Variants in PDCD7 observed in about 807,000 individuals in gnomAD.
PDCD7 encodes programmed cell death 7.
A neutral mutation model predicts 42.1 loss-of-function variants in PDCD7; 40 were observed. The observed-to-expected ratio is 0.95, with a 90% CI of 0.74 to 1.24. The LOEUF is 1.24. PDCD7 is among the 50% of genes most tolerant of loss of function. The pLI is 0.00. For synonymous variants in PDCD7, 299 were observed against 303.3 expected, an observed-to-expected ratio of 0.99 and a Z score of 0.15; for missense variants, 644 against 662.8, an observed-to-expected ratio of 0.97 and a Z score of 0.31.
intron 2 of PDCD7, among the ~76,000 whole-genome samples, chr15:65,121,143 C>A (rs1412119448): frequency 6.6e-6 from 1 of 151,080 alleles, no homozygotes; most frequent in East Asian, 2.0e-4. Context: ...GCAAACTCCA[C>A]GCATCCCGGG....
intron 1 of PDCD7, among the ~76,000 whole-genome samples, 175 bp downstream of exon 1, chr15:65,132,737 C>T (rs958310214): frequency 6.6e-6 from 1 of 152,112 alleles, no homozygotes; most frequent in Non-Finnish European, 1.5e-5. Context: ...CTTTTGTGTA[C>T]CACACATCAT....
Position 65,133,675 on chromosome 15 carries a change from G to A in PDCD7, c.107C>T (p.Ala36Val). ...CCGCTGGGGGAGAGGCGGCGGGAAAGCCGGGGAGGGCAGCGGCGGTGGCGG... is the reference window on the plus strand; with the variant it reads ...CCGCTGGGGGAGAGGCGGCGGGAAAACCGGGGAGGGCAGCGGCGGTGGCGG... ...GCPPPPLPSP[A>V]FPPPLPQRPG... is the part of the protein sequence containing the mutation. The change falls in exon 1 of 5, where the codon GCT becomes GTT. Residue 36 changes from alanine (A) to valine (V), a missense_variant. By Grantham distance (64) the Ala-to-Val change is moderately conservative. Transcript: ENST00000204549. 7.9e-7 allele frequency: 1 copy of A among 1,269,050 alleles called. No homozygotes were observed. The highest frequency in any genetic ancestry group is 1.0e-6 in the Non-Finnish European group (1 of 1,001,558). The allele number at this position is 1,269,050 out of a possible 1,614,324, so 78.6% of individuals were successfully genotyped here.
At chr15:65,124,882 G>A (rs1211461433) in intron 2 of PDCD7, among the ~76,000 whole-genome samples, 4 of 152,106 alleles carry the variant, frequency 2.6e-5, no homozygotes, top group African/African-American at 4.8e-5. Flanking sequence ...AGTACTACTG[G>A]AAGAGGTCAT....
At chr15:65,119,274 T>TAAA in intron 4 of PDCD7, 102 bp downstream of exon 4, 2 of 574,104 alleles carry the variant, frequency 3.5e-6, no homozygotes, top group Non-Finnish European at 5.9e-6. Flanking sequence ...TTATGGAACT[T>TAAA]AAAAAAAAAA....
chr15:65,125,705 G>A (rs1206559556), intron 2 of PDCD7, among the ~76,000 whole-genome samples: 1 of 152,182 alleles, frequency 6.6e-6, no homozygotes, highest in Non-Finnish European at 1.5e-5. Context: ...GACACCCCAT[G>A]GGTAGGTACT....
chr15:65,127,106 A>G (rs1458221292), intron 2 of PDCD7, among the ~76,000 whole-genome samples: 1 of 152,038 alleles, frequency 6.6e-6, no homozygotes, highest in Non-Finnish European at 1.5e-5. Flanking sequence ...TCTCTCCTGG[A>G]TGCTCCAAAA....
intron 2 of PDCD7, among the ~76,000 whole-genome samples, chr15:65,120,193 G>A (rs555036406): frequency 6.6e-6 from 1 of 151,664 alleles, no homozygotes; most frequent in Non-Finnish European, 1.5e-5. Context: ...TCACTCTGTT[G>A]TGCAGGCTGG....
intron 2 of PDCD7, among the ~76,000 whole-genome samples, chr15:65,121,541 A>G (rs1234051356): frequency 3.9e-5 from 6 of 152,234 alleles, no homozygotes; most frequent in Non-Finnish European, 7.3e-5. Context: ...GGTGAGGAAG[A>G]TACACTTAAA....
chr15:65,129,227 A>T, intron 1 of PDCD7, 57 bp from the exon 2 acceptor site: 1 of 1,577,608 alleles, frequency 6.3e-7, no homozygotes, highest in Non-Finnish European at 8.7e-7. Context: ...TACAGCAGAG[A>T]ATAGCTGCCC....
intron 1 of PDCD7, 118 bp from the exon 2 acceptor site, chr15:65,129,288 A>G (rs2087521069): frequency 4.5e-6 from 5 of 1,121,148 alleles, no homozygotes; most frequent in African/African-American, 3.1e-5. Context: ...GAGAGACTCT[A>G]TTGAATCTCC....
chr15:65,132,706 G>A (rs2087551110), intron 1 of PDCD7, among the ~76,000 whole-genome samples: 1 of 152,186 alleles, frequency 6.6e-6, no homozygotes, highest in South Asian at 2.1e-4. Flanking sequence ...GTGTTTACAG[G>A]ATTTTACAGT....
In PDCD7 at chr15:65,133,498, C is replaced by CACTG; in HGVS notation, c.280_283dup (p.Cys95SerfsTer31). On this transcript the variant is annotated frameshift_variant, in exon 1 of 5. Transcript: ENST00000204549. LOFTEE classifies it high-confidence loss of function. ...GGCGTCGGTCCCCGGGAAGGGCCGA[C>CACTG]ACTGGGGCGGCGGAGGAGGCAGCGG... 1 of 1,225,420 alleles carries CACTG rather than the reference C, an allele frequency of 8.2e-7. No homozygotes were observed. Among genetic ancestry groups the CACTG allele is most frequent in the Non-Finnish European group, 1.0e-6 (1 of 984,046 alleles). 75.9% of individuals were successfully genotyped at this position (1,225,420 alleles called of 1,614,324 possible). A position where few individuals can be genotyped will look rare whatever the true frequency, so the allele number is the denominator to read the frequency against.
intron 4 of PDCD7, 94 bp from the exon 5 acceptor site, chr15:65,118,934 G>T: frequency 2.3e-6 from 2 of 854,738 alleles, no homozygotes; most frequent in South Asian, 2.8e-5. Flanking sequence ...GCTTTCAAAT[G>T]ACTGATATAC....
chr15:65,120,065 CA>C (rs1322889571), intron 2 of PDCD7, 111 bp from the exon 3 acceptor site: 8 of 1,173,268 alleles, frequency 6.8e-6, no homozygotes, highest in South Asian at 1.6e-5. Flanking sequence ...ACTGCAACTT[CA>C]AACTCCTGGG....
At chr15:65,132,124 G>GTATATATATATATATATATATATATA (rs10570029) in intron 1 of PDCD7, among the ~76,000 whole-genome samples, 1 of 140,956 alleles carries the variant, frequency 7.1e-6, no homozygotes, top group African/African-American at 2.6e-5. Flanking sequence ...GTATGTATGT[G>GTATATATATATATATATATATATATA]TATATATATA....
rs746748386 is a variant in PDCD7, at chr15:65,133,084, C to G, written c.698G>C (p.Gly233Ala). The change falls in exon 1 of 5, where the codon GGC becomes GCC. Residue 233 changes from glycine (G) to alanine (A), a missense_variant. Physicochemically the swap from Gly to Ala is moderately conservative, Grantham distance 60. Transcript: ENST00000204549. Reference sequence around the variant, plus strand: ...CCTCTCCAGCCTCCTCCGCGCCTCGCCCACATAGGCAGCCTGGGTCAACGG... The same window carrying G: ...CCTCTCCAGCCTCCTCCGCGCCTCGGCCACATAGGCAGCCTGGGTCAACGG... ...LQPLTQAAYV[G>A]EARRRLERVR... is the part of the protein sequence containing the mutation. 1.3e-6 allele frequency: 2 copies of G among 1,567,604 alleles called. No individual in the cohort carries two copies. The highest frequency in any genetic ancestry group is 1.7e-6 in the Non-Finnish European group (2 of 1,163,438).
chr15:65,130,437 C>A (rs1393835093), intron 1 of PDCD7, among the ~76,000 whole-genome samples: 1 of 152,076 alleles, frequency 6.6e-6, no homozygotes, highest in East Asian at 1.9e-4. Flanking sequence ...GGATTACAGG[C>A]ATGACCACGG....
intron 1 of PDCD7, among the ~76,000 whole-genome samples, chr15:65,130,534 TA>T (rs2087531351): frequency 6.6e-6 from 1 of 152,184 alleles, no homozygotes; most frequent in South Asian, 2.1e-4. Flanking sequence ...TCCTCTTGCC[TA>T]AAGTGCTCTC....
At chr15:65,121,035 T>TA (rs1307988012) in intron 2 of PDCD7, among the ~76,000 whole-genome samples, 3 of 151,472 alleles carry the variant, frequency 2.0e-5, no homozygotes, top group African/African-American at 7.3e-5. Flanking sequence ...CCACACCACT[T>TA]AACCTCTGAC....
Sources: gnomAD v4.1 joint callset for allele counts (sites outside exome capture counted in the v4.1 genomes callset) on GRCh38, gnomAD v4.1.1 for gene constraint, MANE v1.5 for transcripts, NCBI Gene and HGNC (gene_info 2026-07-23, HGNC 2026-07-21) for gene names.